NIPA1: variants seen among roughly 807,000 people sequenced by gnomAD.
NIPA1 encodes the protein NIPA magnesium transporter 1.
In NIPA1, 13 loss-of-function variants were observed where a neutral mutation model predicts 23.9. The ratio of observed to expected loss-of-function variants is 0.54; its 90% CI spans 0.35 to 0.87. The LOEUF is 0.87. Among genes scored for constraint, NIPA1 ranks in the 40% least tolerant of loss-of-function variants. The pLI is 0.01. For missense variants in NIPA1, 362 were observed against 429.7 expected (o/e 0.84, Z 1.39); for synonymous variants, 234 against 202.9 (o/e 1.15, Z -1.30).
intron 1 of NIPA1, among the ~76,000 whole-genome samples, chr15:22,793,767 G>A (rs1483235081): frequency 2.6e-5 from 4 of 152,058 alleles, no homozygotes; most frequent in South Asian, 4.1e-4. Context: ...ATAGAGGTCC[G>A]GTTTTATTTT....
intron 1 of NIPA1, 51 bp from the exon 2 acceptor site, chr15:22,810,698 A>G: frequency 9.4e-7 from 1 of 1,066,644 alleles, no homozygotes; most frequent in Non-Finnish European, 1.5e-6. Flanking sequence ...TTCCTGATAT[A>G]CGTAGCTGGT....
rs940797733 is a variant in NIPA1, at chr15:22,828,719, G to A, written c.*4480G>A. The A allele has an allele frequency of 6.6e-6, 1 of 152,588 alleles. No homozygotes were observed. Among genetic ancestry groups the A allele is most frequent in the African/African-American group, 2.4e-5 (1 of 41,420 alleles). The allele number at this position is 152,588 out of a possible 1,614,324, so 9.5% of individuals were successfully genotyped here. ...AAGCATTTAAAAAGCAGAATCCAGG[G>A]CCCAGAGCATGAGCCAGGGAGGAGG... On this transcript the variant is annotated 3_prime_UTR_variant, in exon 5 of 5. Transcript: ENST00000337435.
At chr15:22,805,424 C>A (rs766576926) in intron 1 of NIPA1, among the ~76,000 whole-genome samples, 18 of 152,070 alleles carry the variant, frequency 1.2e-4, no homozygotes, top group Non-Finnish European at 2.4e-4. Flanking sequence ...CGGTGGCTCA[C>A]GCCTGTAATC....
intron 1 of NIPA1, among the ~76,000 whole-genome samples, chr15:22,796,602 C>A (rs887511699): frequency 6.6e-6 from 1 of 152,118 alleles, no homozygotes; most frequent in African/African-American, 2.4e-5. Context: ...CTACACCCAG[C>A]TATTTTCAGT....
At chr15:22,786,618 G>A (rs1894704937), upstream of NIPA1, 1 of 869,876 alleles carries the variant, frequency 1.1e-6, no homozygotes. Context: ...CGCGGGGCGC[G>A]GCGCGCAGGC....
At chr15:22,823,668 C>T (rs1254295878) in intron 4 of NIPA1, 60 bp from the exon 5 acceptor site, 10 of 1,537,420 alleles carry the variant, frequency 6.5e-6, no homozygotes, top group South Asian at 1.2e-5. Flanking sequence ...CCCAGTCCAC[C>T]TCCTGGGTTG....
At chr15:22,801,222 T>A (rs1895070851) in intron 1 of NIPA1, among the ~76,000 whole-genome samples, 1 of 152,182 alleles carries the variant, frequency 6.6e-6, no homozygotes, top group Non-Finnish European at 1.5e-5. Flanking sequence ...ATGTTACCGT[T>A]CTACTTTTAC....
chr15:22,788,711 T>G (rs1735431608), intron 1 of NIPA1, among the ~76,000 whole-genome samples: 1 of 151,626 alleles, frequency 6.6e-6, no homozygotes, highest in Admixed American at 6.6e-5. Context: ...GTCATGTGGC[T>G]CAAAGGAATT....
chr15:22,795,229 TTGAA>T (rs1276656573), intron 1 of NIPA1, among the ~76,000 whole-genome samples: 1 of 152,054 alleles, frequency 6.6e-6, no homozygotes, highest in African/African-American at 2.4e-5. Context: ...TCGGGAGTCT[TTGAA>T]TGGCTCGCAG....
chr15:22,790,204 C>G (rs1037624557), intron 1 of NIPA1, among the ~76,000 whole-genome samples: 1 of 152,158 alleles, frequency 6.6e-6, no homozygotes, highest in African/African-American at 2.4e-5. Flanking sequence ...TTTCATACTT[C>G]CCCAGTGACC....
upstream of NIPA1, among the ~76,000 whole-genome samples, chr15:22,786,470 G>C (rs1894698502): frequency 6.8e-6 from 1 of 147,152 alleles, no homozygotes; most frequent in Non-Finnish European, 1.5e-5. Flanking sequence ...CGCCGCGTCC[G>C]GCGCCACTGC....
intron 1 of NIPA1, among the ~76,000 whole-genome samples, chr15:22,787,580 A>G (rs899720734): frequency 7.2e-5 from 11 of 152,306 alleles, no homozygotes; most frequent in Non-Finnish European, 1.5e-4. Context: ...TGCGGGGTAG[A>G]GCTCTCTGTC....
chr15:22,820,433 G>A lies in NIPA1; in HGVS notation c.438G>A (p.Val146=). The change falls in exon 4 of 5, where the codon GTG becomes GTA. Residue 146 remains valine, a synonymous_variant. Coordinates refer to ENST00000337435, the MANE Select transcript of NIPA1 (RefSeq NM_144599.5). The part of the protein sequence containing the change: ...LIIHSPKSES[V]TTQAELEEKL... ...TCCACTCCCCAAAGTCTGAGAGTGTGACAACTCAGGCTGAGCTGGAGGAAA... is the reference window on the plus strand; with the variant it reads ...TCCACTCCCCAAAGTCTGAGAGTGTAACAACTCAGGCTGAGCTGGAGGAAA... 6.2e-7 allele frequency: 1 copy of A among 1,613,234 alleles called. No homozygotes were observed. Among genetic ancestry groups the A allele is most frequent in the Non-Finnish European group, 8.5e-7 (1 of 1,179,152 alleles).
intron 1 of NIPA1, among the ~76,000 whole-genome samples, chr15:22,804,086 C>T (rs1453909296): frequency 1.3e-5 from 2 of 152,010 alleles, no homozygotes; most frequent in African/African-American, 4.8e-5. Context: ...GAGCGATTCT[C>T]CTGCGTCAGC....
At position 22,820,940 on chromosome 15, in the gene NIPA1, G is replaced by T. The variant is rs572741872; in HGVS notation, c.478+467G>T. 2.0e-5 allele frequency among the ~76,000 whole-genome samples: 3 copies of T among 151,618 alleles called. No individual in the cohort carries two copies. In the South Asian group the frequency reaches 6.3e-4, roughly 32 times the overall value. On this transcript the variant is annotated intron_variant, in intron 4 of 4. Coordinates refer to ENST00000337435, the MANE Select transcript of NIPA1 (RefSeq NM_144599.5). Reference sequence around the variant, plus strand: ...CTCTTAAGTTTAGATTCCTCATATAGCCCTGTTTATATATCTTTTGACATA... The same window carrying T: ...CTCTTAAGTTTAGATTCCTCATATATCCCTGTTTATATATCTTTTGACATA...
Position 22,828,221 on chromosome 15 carries a change from C to T in NIPA1, c.*3982C>T, listed in dbSNP as rs1895690248. 6.6e-6 allele frequency: 1 copy of T among 152,570 alleles called. No individual in the cohort carries two copies. Among genetic ancestry groups the T allele is most frequent in the Non-Finnish European group, 1.5e-5 (1 of 68,034 alleles). 9.5% of individuals were successfully genotyped at this position (152,570 alleles called of 1,614,324 possible). A position where few individuals can be genotyped will look rare whatever the true frequency, so the allele number is the denominator to read the frequency against. On this transcript the variant is annotated 3_prime_UTR_variant, in exon 5 of 5. Transcript: ENST00000337435. Reference sequence around the variant, plus strand: ...GTATCATTGACTCCTTAACAGTGACCTTCCTCCCAAGGACATATCCGTGTT... The same window carrying T: ...GTATCATTGACTCCTTAACAGTGACTTTCCTCCCAAGGACATATCCGTGTT...
intron 3 of NIPA1, among the ~76,000 whole-genome samples, chr15:22,816,378 G>A (rs1387943480): frequency 1.3e-5 from 2 of 150,568 alleles, no homozygotes; most frequent in African/African-American, 4.9e-5. Context: ...TAGTAGAGAC[G>A]GGGTTTCACC....
At position 22,824,672 on chromosome 15, in the gene NIPA1, C is replaced by G. The variant is rs1196673803; in HGVS notation, c.*433C>G. 4.7e-6 allele frequency: 1 copy of G among 210,992 alleles called. No individual in the cohort carries two copies. The highest frequency in any genetic ancestry group is 9.7e-6 in the Non-Finnish European group (1 of 103,362). The allele number at this position is 210,992 out of a possible 1,614,324, so 13.1% of individuals were successfully genotyped here. On this transcript the variant is annotated 3_prime_UTR_variant, in exon 5 of 5. Coordinates refer to ENST00000337435, the MANE Select transcript of NIPA1 (RefSeq NM_144599.5). This position sits in a 1 kb window ranked among gnomAD's most constrained non-coding sequence, Gnocchi z 4.1. The stretch of plus-strand genomic sequence containing the variant: ...CTCTGGCACTGTACAGTGAATGTGT[C>G]TGTAGTTGTGTTAGTTTGCATTAAG...
intron 4 of NIPA1, among the ~76,000 whole-genome samples, chr15:22,821,608 G>T (rs1424098100): frequency 9.2e-5 from 13 of 140,790 alleles, no homozygotes; most frequent in Non-Finnish European, 1.5e-5. Flanking sequence ...TGTCCACACT[G>T]GCTGGTTTGC....
Sources: gnomAD v4.1 joint callset for allele counts (sites outside exome capture counted in the v4.1 genomes callset) on GRCh38, gnomAD v4.1.1 for gene constraint, Gnocchi (gnomAD v3.1) non-coding constraint, MANE v1.5 for transcripts, NCBI Gene and HGNC (gene_info 2026-07-23, HGNC 2026-07-21) for gene names.